ZBTB20: variants seen among roughly 807,000 people sequenced by gnomAD.
The protein encoded by ZBTB20 is zinc finger and BTB domain-containing protein 20.
Under a neutral mutation model 56.9 loss-of-function variants are expected in ZBTB20, and 9 were observed. The ratio of observed to expected loss-of-function variants is 0.16; its 90% CI spans 0.10 to 0.28. ZBTB20 has a LOEUF of 0.28. ZBTB20 is among the 10% of genes least tolerant of loss of function. The probability of loss-of-function intolerance (pLI) is 1.00; values close to 1 mark genes in which losing one functional copy is unlikely to be tolerated. For synonymous variants in ZBTB20, 417 were observed against 420.7 expected, an observed-to-expected ratio of 0.99 and a Z score of 0.11; for missense variants, 655 against 1,003.0, an observed-to-expected ratio of 0.65 and a Z score of 4.69.
intron 3 of ZBTB20, among the ~76,000 whole-genome samples, chr3:114,950,140 AG>A (rs1187245149): frequency 3.3e-5 from 5 of 152,176 alleles, no homozygotes; most frequent in African/African-American, 1.2e-4. Context: ...CTTATACAGT[AG>A]TCCCCCTTTA....
intron 6 of ZBTB20, among the ~76,000 whole-genome samples, chr3:114,532,941 T>C (rs1340990627): frequency 6.6e-6 from 1 of 152,050 alleles, no homozygotes; most frequent in Non-Finnish European, 1.5e-5. Flanking sequence ...AGGAATAGCA[T>C]CAACATTAAC....
intron 4 of ZBTB20, among the ~76,000 whole-genome samples, chr3:114,848,172 A>G (rs2074811805): frequency 6.6e-6 from 1 of 152,158 alleles, no homozygotes; most frequent in African/African-American, 2.4e-5. Context: ...CTGAGAGAAT[A>G]ATAAACTAAG....
chr3:114,919,388 G>C (rs911510047), intron 3 of ZBTB20, among the ~76,000 whole-genome samples: 1 of 152,002 alleles, frequency 6.6e-6, no homozygotes, highest in South Asian at 2.1e-4. Flanking sequence ...AAAGAAGACA[G>C]CAAGATTGGA....
chr3:114,963,905 G>A (rs1256044337), intron 3 of ZBTB20, among the ~76,000 whole-genome samples: 2 of 152,106 alleles, frequency 1.3e-5, no homozygotes, highest in South Asian at 2.1e-4. Flanking sequence ...GGGAAATTTA[G>A]TAAACAAATT....
At chr3:114,415,415 G>A (rs2088436120) in intron 7 of ZBTB20, among the ~76,000 whole-genome samples, 2 of 152,210 alleles carry the variant, frequency 1.3e-5, no homozygotes, top group East Asian at 3.9e-4. Flanking sequence ...CAAATTTGAT[G>A]TGTTGGGTGG....
chr3:114,444,139 A>G (rs1485294017), intron 7 of ZBTB20, among the ~76,000 whole-genome samples: 2 of 152,226 alleles, frequency 1.3e-5, no homozygotes, highest in Non-Finnish European at 2.9e-5. Context: ...ATGTCTCATT[A>G]GAACTCATAC....
At chr3:114,993,883 A>T (rs2078921233) in intron 2 of ZBTB20, among the ~76,000 whole-genome samples, 1 of 151,782 alleles carries the variant, frequency 6.6e-6, no homozygotes, top group Non-Finnish European at 1.5e-5. Flanking sequence ...CATGTAAAAG[A>T]GAAGGAAAGA....
chr3:114,482,614 C>T (rs1349834923), intron 7 of ZBTB20, among the ~76,000 whole-genome samples: 3 of 152,236 alleles, frequency 2.0e-5, no homozygotes, highest in African/African-American at 7.2e-5. Flanking sequence ...ATAGTAGAAA[C>T]TACATTTTAT....
At chr3:115,128,267 A>C (rs569154838) in intron 1 of ZBTB20, among the ~76,000 whole-genome samples, 1 of 152,310 alleles carries the variant, frequency 6.6e-6, no homozygotes, top group Admixed American at 6.5e-5. Context: ...AACGGGTTTG[A>C]TTTATTACAA....
chr3:114,709,965 T>G (rs2063956229), intron 5 of ZBTB20, among the ~76,000 whole-genome samples: 1 of 152,150 alleles, frequency 6.6e-6, no homozygotes, highest in Admixed American at 6.6e-5. Flanking sequence ...GTTTAAATCT[T>G]CACTAATTCC....
intron 4 of ZBTB20, among the ~76,000 whole-genome samples, chr3:114,826,889 G>A (rs1273703379): frequency 6.6e-6 from 1 of 151,582 alleles, no homozygotes; most frequent in African/African-American, 2.4e-5. Context: ...AAAGAATATT[G>A]AAACCTCCTT....
chr3:115,006,897 C>A (rs2079495300), intron 2 of ZBTB20, among the ~76,000 whole-genome samples: 1 of 151,700 alleles, frequency 6.6e-6, no homozygotes, highest in African/African-American at 2.4e-5. Flanking sequence ...CATTTGAAAT[C>A]TTTTTAGTTT....
intron 6 of ZBTB20, among the ~76,000 whole-genome samples, chr3:114,530,878 A>C (rs1184500785): frequency 6.6e-6 from 1 of 151,768 alleles, no homozygotes; most frequent in Non-Finnish European, 1.5e-5. Context: ...CCTATTCTCT[A>C]TCTCTAGTTT....
At chr3:114,783,006 A>G (rs1384330965) in intron 5 of ZBTB20, among the ~76,000 whole-genome samples, 2 of 152,198 alleles carry the variant, frequency 1.3e-5, no homozygotes, top group Non-Finnish European at 2.9e-5. Flanking sequence ...TTATTCATGA[A>G]TATTCATTCA....
intron 6 of ZBTB20, among the ~76,000 whole-genome samples, chr3:114,617,705 T>C (rs1379223640): frequency 6.6e-6 from 1 of 152,186 alleles, no homozygotes; most frequent in Non-Finnish European, 1.5e-5. Flanking sequence ...GCTTACCCAC[T>C]CAGATTCTGC....
At chr3:114,494,454 G>C (rs910424988) in intron 7 of ZBTB20, among the ~76,000 whole-genome samples, 6 of 152,132 alleles carry the variant, frequency 3.9e-5, no homozygotes, top group African/African-American at 1.2e-4. Context: ...GTCAGTGTGG[G>C]TAAGAATGCC....
At chr3:114,735,904 A>G (rs903143075) in intron 5 of ZBTB20, among the ~76,000 whole-genome samples, 3 of 152,170 alleles carry the variant, frequency 2.0e-5, no homozygotes, top group Admixed American at 6.6e-5. Context: ...GGAAAGATCC[A>G]TTTTCCAAAA....
chr3:114,535,899 C>A (rs550956648), intron 6 of ZBTB20, among the ~76,000 whole-genome samples: 1 of 152,326 alleles, frequency 6.6e-6, no homozygotes, highest in African/African-American at 2.4e-5. Context: ...ACAAAAGCCA[C>A]ATGATTATCT....
chr3:114,988,548 C>A (rs1299077722), intron 2 of ZBTB20, among the ~76,000 whole-genome samples: 1 of 152,064 alleles, frequency 6.6e-6, no homozygotes, highest in Non-Finnish European at 1.5e-5. Context: ...GTGAATAGTG[C>A]CGCAATAAGC....
Sources: allele counts gnomAD v4.1 joint callset (sites outside exome capture counted in the v4.1 genomes callset), GRCh38; gene constraint gnomAD v4.1.1; transcripts MANE v1.5; gene names NCBI Gene and HGNC (gene_info 2026-07-23, HGNC 2026-07-21).